NIPSNAP2: variants seen among roughly 807,000 people sequenced by gnomAD.
The protein encoded by NIPSNAP2 is nipsnap homolog 2, also known as protein NipSnap homolog 2.
In NIPSNAP2, 42 loss-of-function variants were observed where a neutral mutation model predicts 48.4. The observed-to-expected ratio is 0.87, with a 90% CI of 0.68 to 1.12. The LOEUF (loss-of-function observed/expected upper bound fraction) is 1.12, where lower values mean the gene tolerates loss of function less well. Ranked by LOEUF, NIPSNAP2 falls within the 50% of genes most tolerant of loss-of-function variation. The pLI is 0.00. For missense variants in NIPSNAP2, 314 were observed against 347.3 expected, an observed-to-expected ratio of 0.90 and a Z score of 0.76; for synonymous variants, 158 against 126.6, an observed-to-expected ratio of 1.25 and a Z score of -1.67.
At chr7:55,978,706 C>A in intron 3 of NIPSNAP2, 1 of 286,736 alleles carries the variant, frequency 3.5e-6, no homozygotes, top group Non-Finnish European at 6.5e-6. Context: ...CACAGACCTT[C>A]CTGACTGCCT....
intron 7 of NIPSNAP2, among the ~76,000 whole-genome samples, chr7:55,986,523 A>G (rs1009575650): frequency 2.6e-5 from 4 of 151,796 alleles, no homozygotes; most frequent in Non-Finnish European, 4.4e-5. Context: ...TTAGCCACGT[A>G]TGGCGGTGTG....
intron 8 of NIPSNAP2, 49 bp from the exon 9 acceptor site, chr7:55,997,317 T>C (rs1019268339): frequency 6.2e-6 from 8 of 1,290,240 alleles, no homozygotes; most frequent in Non-Finnish European, 1.1e-6. Context: ...ATGGGTGGAA[T>C]GCAGTGTATG....
intron 9 of NIPSNAP2, among the ~76,000 whole-genome samples, chr7:55,998,595 G>C (rs1276802600): frequency 7.2e-6 from 1 of 139,500 alleles, no homozygotes; most frequent in Non-Finnish European, 1.5e-5. Flanking sequence ...CCGCCTCCCG[G>C]TTTCAAGCGA....
At chr7:55,979,733 G>T (rs935704648) in intron 3 of NIPSNAP2, 1 of 454,184 alleles carries the variant, frequency 2.2e-6, no homozygotes, top group Non-Finnish European at 4.4e-6. Flanking sequence ...TTTTCATCAC[G>T]TTTTTTCTTT....
chr7:55,981,542 G>A lies in NIPSNAP2; in HGVS notation c.348G>A (p.Thr116=), dbSNP rs527482703. The A allele has an allele frequency of 4.3e-6, 7 of 1,613,844 alleles. No individual in the cohort carries two copies. In the African/African-American group the frequency reaches 5.3e-5, roughly 12 times the overall value. ...GTACTTTGGTGGGGACTTGGAACACGTGGTATGGCGAGCAGGACCAAGCTG... is the reference window on the plus strand; with the variant it reads ...GTACTTTGGTGGGGACTTGGAACACATGGTATGGCGAGCAGGACCAAGCTG... ...YPCTLVGTWN[T]WYGEQDQAVH... is the part of the protein sequence containing the mutation. The change falls in exon 4 of 10, where the codon ACG becomes ACA. Residue 116 remains threonine (T), a synonymous_variant. Transcript: ENST00000322090.
At chr7:55,989,787 T>C (rs1289590931) in intron 7 of NIPSNAP2, among the ~76,000 whole-genome samples, 4 of 152,118 alleles carry the variant, frequency 2.6e-5, no homozygotes, top group African/African-American at 9.7e-5. Context: ...TCTCCATACT[T>C]ACTTCATTAT....
chr7:55,989,977 G>A (rs1206186456), intron 7 of NIPSNAP2, among the ~76,000 whole-genome samples: 1 of 151,198 alleles, frequency 6.6e-6, no homozygotes, highest in South Asian at 2.1e-4. Context: ...AATTAGCTGG[G>A]TGTGGTGGCG....
chr7:55,981,460 T>C lies in NIPSNAP2; in HGVS notation c.279-13T>C. 1 of 1,606,220 alleles carries C rather than the reference T, an allele frequency of 6.2e-7. No homozygotes were observed. Among genetic ancestry groups the C allele is most frequent in the Non-Finnish European group, 8.5e-7 (1 of 1,173,622 alleles). ...TGGTTGTTTAATTAGTGTTGCTGTT[T>C]CTTCTCTTTAAGTCAAGAGGTGTTG... On this transcript the variant is annotated splice_polypyrimidine_tract_variant and intron_variant, in intron 3 of 9. Transcript: ENST00000322090.
intron 1 of NIPSNAP2, 110 bp from the exon 2 acceptor site, chr7:55,978,016 G>A (rs1338811497): frequency 8.2e-7 from 1 of 1,223,168 alleles, no homozygotes; most frequent in African/African-American, 1.5e-5. Flanking sequence ...TTCTTTGGTA[G>A]CCCAGGTTCT....
intron 3 of NIPSNAP2, chr7:55,978,990 A>G (rs1433802536): frequency 2.0e-5 from 3 of 152,452 alleles, no homozygotes; most frequent in Non-Finnish European, 4.4e-5. Context: ...TTAAGTTAAC[A>G]GAAATAGTAT....
rs530621170 is a variant in NIPSNAP2 at position 55,966,889 on chromosome 7, G to A, written c.92+2188G>A. Among the ~76,000 whole-genome samples the A allele has an allele frequency of 2.0e-4, 30 of 152,354 alleles. No individual in the cohort carries two copies. The South Asian group carries it at 6.2e-3, about 32-fold the overall frequency. Reference sequence around the variant, plus strand: ...AGTCCTGGGATGTGCAGCGTATATAGGCTGAATGTAGGAGGGGGAGCTGGC... The same window carrying A: ...AGTCCTGGGATGTGCAGCGTATATAAGCTGAATGTAGGAGGGGGAGCTGGC... On this transcript the variant is annotated intron_variant, in intron 1 of 9. Transcript: ENST00000322090.
intron 7 of NIPSNAP2, among the ~76,000 whole-genome samples, chr7:55,986,381 G>T (rs577335385): frequency 2.0e-5 from 3 of 151,900 alleles, no homozygotes; most frequent in Admixed American, 6.6e-5. Flanking sequence ...AAAAAATTAG[G>T]GCGGGGATGG....
At chr7:55,996,283 C>G (rs1787561619) in intron 8 of NIPSNAP2, among the ~76,000 whole-genome samples, 1 of 118,998 alleles carries the variant, frequency 8.4e-6, no homozygotes, top group South Asian at 2.5e-4. Context: ...AAGACTCCGT[C>G]TCAAAAAAAA....
At chr7:55,993,351 T>C (rs2116374382) in intron 7 of NIPSNAP2, among the ~76,000 whole-genome samples, 1 of 149,770 alleles carries the variant, frequency 6.7e-6, no homozygotes, top group South Asian at 2.1e-4. Context: ...TCCCAGCAGT[T>C]TGGGAGGCCG....
chr7:55,978,230 C>G lies in NIPSNAP2; in HGVS notation c.197C>G (p.Ala66Gly). ...PRKDAHSNLLAKKETSNLYKL... is the reference protein window; with the variant it reads ...PRKDAHSNLLGKKETSNLYKL... ...AAAGATGCCCACTCCAATCTCCTAGCCAAAAAGGAAACAAGCAATCTATAC... is the reference window on the plus strand; with the variant it reads ...AAAGATGCCCACTCCAATCTCCTAGGCAAAAAGGAAACAAGCAATCTATAC... The change falls in exon 2 of 10, where the codon GCC (alanine) becomes GGC (glycine). Residue 66 changes from alanine (A) to glycine (G), a missense_variant. Coordinates refer to ENST00000322090, the MANE Select transcript of NIPSNAP2 (RefSeq NM_001483.3). 1 of 1,614,106 alleles carries G rather than the reference C, an allele frequency of 6.2e-7. No homozygotes were observed. Among genetic ancestry groups the G allele is most frequent in the Non-Finnish European group, 8.5e-7 (1 of 1,180,006 alleles).
intron 1 of NIPSNAP2, among the ~76,000 whole-genome samples, chr7:55,968,534 C>T (rs761471061): frequency 5.3e-5 from 8 of 151,902 alleles, no homozygotes; most frequent in African/African-American, 1.5e-4. Context: ...TACAGGCGTG[C>T]GCCACCACAA....
At chr7:55,998,039 G>A (rs944790941) in intron 9 of NIPSNAP2, among the ~76,000 whole-genome samples, 1 of 152,108 alleles carries the variant, frequency 6.6e-6, no homozygotes, top group Non-Finnish European at 1.5e-5. Flanking sequence ...TATATTTCAG[G>A]CCGGGCGCAG....
At chr7:55,969,662 A>C (rs974364920) in intron 1 of NIPSNAP2, among the ~76,000 whole-genome samples, 6 of 152,158 alleles carry the variant, frequency 3.9e-5, no homozygotes, top group African/African-American at 1.4e-4. Flanking sequence ...TCAGTGGCTG[A>C]CAGGTGTAGT....
chr7:55,983,979 T>TTATATGTATATA (rs1562765830), intron 6 of NIPSNAP2, 111 bp downstream of exon 6: 8 of 579,514 alleles, frequency 1.4e-5, no homozygotes, highest in Admixed American at 3.4e-5. Flanking sequence ...ATGTCTAGCA[T>TTATATGTATATA]TATATGTATA....
Sources: allele counts gnomAD v4.1 joint callset (sites outside exome capture counted in the v4.1 genomes callset), GRCh38; gene constraint gnomAD v4.1.1; transcripts MANE v1.5; gene names NCBI Gene and HGNC (gene_info 2026-07-23, HGNC 2026-07-21).